Variants in CSMD1 observed in about 807,000 individuals in gnomAD.
The protein encoded by CSMD1 is CUB and sushi domain-containing protein 1.
CSMD1 carries 213 observed loss-of-function variants against 417.5 expected under a neutral mutation model. The observed-to-expected ratio is 0.51, with a 90% CI of 0.46 to 0.57. The LOEUF is 0.57. Ranked by LOEUF, CSMD1 falls within the 20% of genes least tolerant of loss-of-function variation. The pLI, the probability that CSMD1 is intolerant of heterozygous loss-of-function variation, is 0.00. For synonymous variants in CSMD1, 2,862 were observed against 1,736.8 expected, an observed-to-expected ratio of 1.65 and a Z score of -16.11; for missense variants, 6,923 against 4,529.7, an observed-to-expected ratio of 1.53 and a Z score of -15.17.
intron 22 of CSMD1, among the ~76,000 whole-genome samples, chr8:3,343,944 G>A (rs983184987): frequency 3.3e-5 from 5 of 152,160 alleles, no homozygotes; most frequent in African/African-American, 1.2e-4. Flanking sequence ...GTCACATTCT[G>A]TAGTCTGCAA....
chr8:3,428,035 T>C (rs1219860610), intron 12 of CSMD1, among the ~76,000 whole-genome samples: 1 of 152,262 alleles, frequency 6.6e-6, no homozygotes, highest in African/African-American at 2.4e-5. Flanking sequence ...AATTGCATTA[T>C]CTGCTTCGTT....
At position 4,533,266 on chromosome 8, in the gene CSMD1, C is replaced by A. The variant is rs143035516; in HGVS notation, c.302+104076G>T. ...GAAGCAAGACTTTGGTAGAGACGGC[C>A]GCTTGCTCCCAAATATCATGCTGAG... is the stretch of plus-strand genomic sequence containing the variant. On this transcript the variant is annotated intron_variant, in intron 2 of 69. Coordinates refer to ENST00000635120, the MANE Select transcript of CSMD1 (RefSeq NM_033225.6). Among the ~76,000 whole-genome samples the A allele has an allele frequency of 8.5e-3, 1,293 of 152,240 alleles. 21 individuals carry two copies. The highest frequency in any genetic ancestry group is 0.03 in the African/African-American group (1,235 of 41,536).
intron 28 of CSMD1, among the ~76,000 whole-genome samples, chr8:3,221,300 A>G (rs1798197424): frequency 6.6e-6 from 1 of 152,206 alleles, no homozygotes; most frequent in African/African-American, 2.4e-5. Flanking sequence ...TTTATTTGAC[A>G]AGTTCACTGA....
At chr8:3,777,051 C>A (rs1798930286) in intron 5 of CSMD1, among the ~76,000 whole-genome samples, 1 of 151,440 alleles carries the variant, frequency 6.6e-6, no homozygotes, top group Non-Finnish European at 1.5e-5. Flanking sequence ...GGAAATCTGT[C>A]TATATCTGTT....
chr8:4,438,327 T>C (rs912395045), intron 2 of CSMD1, among the ~76,000 whole-genome samples: 1 of 152,184 alleles, frequency 6.6e-6, no homozygotes, highest in Non-Finnish European at 1.5e-5. Flanking sequence ...CAGCACCAAA[T>C]CTCCAGTCTC....
intron 1 of CSMD1, among the ~76,000 whole-genome samples, chr8:4,861,904 T>G (rs985143162): frequency 1.6e-4 from 25 of 152,082 alleles, no homozygotes; most frequent in African/African-American, 5.8e-4. Context: ...CCTGAAGAAC[T>G]TTCCACTTAT....
chr8:3,377,544 A>G (rs1455936694), intron 18 of CSMD1, among the ~76,000 whole-genome samples: 1 of 152,108 alleles, frequency 6.6e-6, no homozygotes, highest in Non-Finnish European at 1.5e-5. Context: ...GTACTGCAAA[A>G]CCTATTGGCT....
chr8:3,837,138 G>A (rs1054172428), intron 5 of CSMD1, among the ~76,000 whole-genome samples: 4 of 136,994 alleles, frequency 2.9e-5, no homozygotes, highest in Non-Finnish European at 3.1e-5. Flanking sequence ...AATTGAAAGT[G>A]TAGTCACTAA....
rs1350468657 is a variant in CSMD1, at chr8:3,824,483, A to C, written c.819-70441T>G. Reference sequence around the variant, plus strand: ...CTGTCCCCTAAGTGCCGTACCTCATACATTATCCACTAGCCATAAGCAGCC... The same window carrying C: ...CTGTCCCCTAAGTGCCGTACCTCATCCATTATCCACTAGCCATAAGCAGCC... On this transcript the variant is annotated intron_variant, in intron 5 of 69. Transcript: ENST00000635120. 2.0e-5 allele frequency among the ~76,000 whole-genome samples: 3 copies of C among 152,268 alleles called. No homozygotes were observed. In the South Asian group the frequency reaches 6.2e-4, roughly 32 times the overall value.
At chr8:4,326,855 C>A (rs561523955) in intron 3 of CSMD1, among the ~76,000 whole-genome samples, 1 of 151,988 alleles carries the variant, frequency 6.6e-6, no homozygotes, top group African/African-American at 2.4e-5. Flanking sequence ...ACAGGTGAAG[C>A]TTTGGGAAAG....
chr8:4,866,709 T>C (rs938257329), intron 1 of CSMD1, among the ~76,000 whole-genome samples: 2 of 151,934 alleles, frequency 1.3e-5, no homozygotes, highest in African/African-American at 2.4e-5. Context: ...GATACTAATT[T>C]AACACAAACA....
At chr8:4,183,280 A>T (rs1798479721) in intron 3 of CSMD1, among the ~76,000 whole-genome samples, 1 of 152,234 alleles carries the variant, frequency 6.6e-6, no homozygotes, top group African/African-American at 2.4e-5. Flanking sequence ...TCTGTAAAAA[A>T]ATATTTACAC....
chr8:3,800,455 G>C (rs530030227), intron 5 of CSMD1, among the ~76,000 whole-genome samples: 3 of 152,094 alleles, frequency 2.0e-5, no homozygotes, highest in African/African-American at 4.8e-5. Context: ...AAAAAGTGCT[G>C]GGACAACTGG....
At chr8:4,113,682 G>T (rs918616667) in intron 3 of CSMD1, among the ~76,000 whole-genome samples, 1 of 152,148 alleles carries the variant, frequency 6.6e-6, no homozygotes, top group African/African-American at 2.4e-5. Context: ...AGGATTACAG[G>T]CATGAGCCAC....
intron 1 of CSMD1, among the ~76,000 whole-genome samples, chr8:4,711,917 A>T (rs1808325457): frequency 6.6e-6 from 1 of 152,212 alleles, no homozygotes; most frequent in Non-Finnish European, 1.5e-5. Flanking sequence ...CTACTACAGG[A>T]AAGGGACTGA....
chr8:4,414,364 T>A (rs1181877429), intron 3 of CSMD1, among the ~76,000 whole-genome samples: 1 of 152,174 alleles, frequency 6.6e-6, no homozygotes, highest in Non-Finnish European at 1.5e-5. Context: ...GATTCACTTT[T>A]CTCTGGTGAA....
At chr8:4,775,171 C>T (rs998307349) in intron 1 of CSMD1, among the ~76,000 whole-genome samples, 11 of 152,124 alleles carry the variant, frequency 7.2e-5, no homozygotes, top group African/African-American at 2.7e-4. Flanking sequence ...TTCTAATATT[C>T]TCAACATCAA....
chr8:4,850,136 C>A (rs1286153646), intron 1 of CSMD1, among the ~76,000 whole-genome samples: 2 of 152,026 alleles, frequency 1.3e-5, no homozygotes, highest in Non-Finnish European at 2.9e-5. Context: ...CTAATAACGT[C>A]AAAAATCTCT....
At chr8:3,431,510 C>A (rs996897606) in intron 12 of CSMD1, among the ~76,000 whole-genome samples, 2 of 152,094 alleles carry the variant, frequency 1.3e-5, no homozygotes, top group Non-Finnish European at 2.9e-5. Context: ...CATCCCATCC[C>A]CATGCCTTTT....
Sources: allele counts gnomAD v4.1 joint callset (sites outside exome capture counted in the v4.1 genomes callset), GRCh38; gene constraint gnomAD v4.1.1; transcripts MANE v1.5; gene names NCBI Gene and HGNC (gene_info 2026-07-23, HGNC 2026-07-21).